The following RABGAP1L variants were observed in gnomAD, a reference collection of about 807,000 sequenced individuals.
RABGAP1L encodes RAB GTPase activating protein 1 like.
A neutral mutation model predicts 137.7 loss-of-function variants in RABGAP1L; 63 were observed. The observed-to-expected ratio is 0.46, with a 90% CI of 0.37 to 0.56. The LOEUF is 0.56. Among genes scored for constraint, RABGAP1L ranks in the 20% least tolerant of loss-of-function variants. The probability of loss-of-function intolerance (pLI) is 0.00; values close to 1 mark genes in which losing one functional copy is unlikely to be tolerated. For missense variants in RABGAP1L, 1,095 were observed against 1,244.0 expected (o/e 0.88, Z 1.80); for synonymous variants, 431 against 433.7 (o/e 0.99, Z 0.08).
intron 19 of RABGAP1L, among the ~76,000 whole-genome samples, chr1:174,907,256 G>A (rs1659250220): frequency 6.6e-6 from 1 of 152,056 alleles, no homozygotes; most frequent in African/African-American, 2.4e-5. Flanking sequence ...GTAGAATTTT[G>A]TCATGTTTTT....
intron 19 of RABGAP1L, chr1:174,898,134 C>G (rs1011633639): frequency 2.6e-5 from 4 of 152,088 alleles, no homozygotes; most frequent in African/African-American, 7.2e-5. Context: ...AAAGCAGAGT[C>G]CATAAATCTT....
At chr1:174,614,490 C>T (rs1429472905) in intron 13 of RABGAP1L, among the ~76,000 whole-genome samples, 2 of 152,168 alleles carry the variant, frequency 1.3e-5, no homozygotes, top group Admixed American at 6.5e-5. Context: ...ACCCAACCTT[C>T]CTCTCTGGCT....
intron 18 of RABGAP1L, among the ~76,000 whole-genome samples, chr1:174,797,131 T>A (rs61828087): frequency 0.093 from 14,131 of 152,278 alleles, 871 homozygotes; most frequent in East Asian, 0.22. Context: ...TTTTTACTTA[T>A]TTTTACTGGA....
At chr1:174,425,796 A>C (rs1021593336) in intron 13 of RABGAP1L, among the ~76,000 whole-genome samples, 1 of 151,998 alleles carries the variant, frequency 6.6e-6, no homozygotes, top group Non-Finnish European at 1.5e-5. Context: ...TGAAGTTAAA[A>C]TTTACAGATA....
At chr1:174,630,062 C>T (rs543028501) in intron 13 of RABGAP1L, among the ~76,000 whole-genome samples, 4 of 150,602 alleles carry the variant, frequency 2.7e-5, no homozygotes, top group African/African-American at 9.8e-5. Flanking sequence ...TTTTGAAATA[C>T]GTCCCATCAA....
At chr1:174,359,211 T>G (rs941834162) in intron 11 of RABGAP1L, among the ~76,000 whole-genome samples, 1 of 152,192 alleles carries the variant, frequency 6.6e-6, no homozygotes, top group African/African-American at 2.4e-5. Context: ...GCCTTCTCGG[T>G]GTGTCTTTTA....
At chr1:174,214,599 A>G (rs1187382515) in intron 1 of RABGAP1L, among the ~76,000 whole-genome samples, 1 of 152,210 alleles carries the variant, frequency 6.6e-6, no homozygotes, top group Non-Finnish European at 1.5e-5. Context: ...CTCCATAGCT[A>G]TAGTAACCAA....
At chr1:174,582,968 G>T (rs1234694191) in intron 13 of RABGAP1L, among the ~76,000 whole-genome samples, 5 of 152,036 alleles carry the variant, frequency 3.3e-5, no homozygotes, top group African/African-American at 1.2e-4. Context: ...CACTTTATTA[G>T]GGATTTCAAA....
In RABGAP1L at chr1:174,219,273, A is replaced by T; in HGVS notation, c.116A>T (p.His39Leu). 2 of 1,575,520 alleles carry T rather than the reference A, an allele frequency of 1.3e-6. No individual in the cohort carries two copies. Among genetic ancestry groups the T allele is most frequent in the Non-Finnish European group, 1.7e-6 (2 of 1,160,768 alleles). The change falls in exon 2 of 26, where the codon CAT (histidine) becomes CTT (leucine). Residue 39 changes from histidine to leucine, a missense_variant. Physicochemically the swap from His to Leu is moderately conservative, Grantham distance 99. This residue lies in a region of RABGAP1L where 356 missense variants were observed against 326.3 expected (regional missense o/e 1.09). Transcript: ENST00000681986. The part of the protein sequence containing the change: ...PQYADDNSTK[H>L]EEKPQLKIVS... ...TATGCAGATGATAATTCTACAAAAC[A>T]TGAAGAAAAACCTCAACTGAAGGTA... is the stretch of plus-strand genomic sequence containing the variant.
At chr1:174,362,196 A>G (rs541727539) in intron 11 of RABGAP1L, among the ~76,000 whole-genome samples, 1 of 152,206 alleles carries the variant, frequency 6.6e-6, no homozygotes, top group East Asian at 1.9e-4. Context: ...ATGGGCATTT[A>G]GGTTGATTTC....
At chr1:174,853,157 T>C (rs555483655) in intron 19 of RABGAP1L, among the ~76,000 whole-genome samples, 16 of 151,456 alleles carry the variant, frequency 1.1e-4, no homozygotes, top group Non-Finnish European at 1.9e-4. Flanking sequence ...CTGATTGGTG[T>C]CTCAATTATA....
chr1:174,757,563 A>G (rs1339459287), intron 18 of RABGAP1L, among the ~76,000 whole-genome samples: 1 of 148,864 alleles, frequency 6.7e-6, no homozygotes, highest in Non-Finnish European at 1.5e-5. Flanking sequence ...CATAAATATA[A>G]TAAATATAAA....
intron 13 of RABGAP1L, among the ~76,000 whole-genome samples, chr1:174,615,157 C>T (rs970626113): frequency 3.9e-5 from 6 of 152,134 alleles, no homozygotes; most frequent in African/African-American, 1.4e-4. Context: ...AGGTGCTCTG[C>T]TTTTTACAGT....
intron 19 of RABGAP1L, among the ~76,000 whole-genome samples, chr1:174,903,669 TG>T (rs1301905028): frequency 7.4e-5 from 2 of 27,160 alleles, no homozygotes; most frequent in African/African-American, 3.5e-4. Context: ...AAAAATTTCA[TG>T]GCTGAGTGCG....
At chr1:174,253,160 A>C (rs1672851931) in intron 7 of RABGAP1L, among the ~76,000 whole-genome samples, 1 of 152,214 alleles carries the variant, frequency 6.6e-6, no homozygotes, top group Non-Finnish European at 1.5e-5. Context: ...CAGAAAGCAG[A>C]GGAGAAAAAC....
chr1:174,989,955 C>T lies in RABGAP1L; in HGVS notation c.3110C>T (p.Pro1037Leu). Residue 1037 changes from proline (P) to leucine (L), a missense_variant, in exon 26 of 26, where the codon CCA becomes CTA. Physicochemically the swap from Pro to Leu is moderately conservative, Grantham distance 98. Transcript: ENST00000681986. ...ATCAAAACGGCCACGGGCACCCAGC[C>T]ATTGCAGCCAGCACCGGTCACCCAG... ...NSIKTATGTQ[P>L]LQPAPVTQPP... The T allele has an allele frequency of 6.5e-7, 1 of 1,549,578 alleles. No individual in the cohort carries two copies. Among genetic ancestry groups the T allele is most frequent in the Non-Finnish European group, 8.7e-7 (1 of 1,145,918 alleles).
intron 18 of RABGAP1L, among the ~76,000 whole-genome samples, chr1:174,792,902 G>A (rs1406138670): frequency 6.6e-6 from 1 of 152,194 alleles, no homozygotes; most frequent in Non-Finnish European, 1.5e-5. Flanking sequence ...GGAAGCCAAG[G>A]CGGGTGGATC....
chr1:174,844,019 A>T (rs1025068629), intron 19 of RABGAP1L, among the ~76,000 whole-genome samples: 1 of 148,244 alleles, frequency 6.7e-6, no homozygotes, highest in African/African-American at 2.5e-5. Context: ...GGCTGCATAA[A>T]TGTCTTCTTT....
At chr1:174,847,514 TG>T (rs1230313591) in intron 19 of RABGAP1L, among the ~76,000 whole-genome samples, 1 of 149,202 alleles carries the variant, frequency 6.7e-6, no homozygotes, top group African/African-American at 2.5e-5. Context: ...TATGAAATTC[TG>T]GGTTGAAAAT....
Sources: gnomAD v4.1 joint callset for allele counts (sites outside exome capture counted in the v4.1 genomes callset) on GRCh38, gnomAD v4.1.1 for gene constraint, gnomAD v4.1.1 regional missense constraint, MANE v1.5 for transcripts, NCBI Gene and HGNC (gene_info 2026-07-23, HGNC 2026-07-21) for gene names.